LRP2: variants seen among roughly 807,000 people sequenced by gnomAD.
LRP2 encodes LDL receptor related protein 2, also known as low-density lipoprotein receptor-related protein 2.
In LRP2, 172 loss-of-function variants were observed where a neutral mutation model predicts 531.0. The observed-to-expected ratio is 0.32, with a 90% CI of 0.29 to 0.37. The LOEUF is 0.37. Among genes scored for constraint, LRP2 ranks in the 10% least tolerant of loss-of-function variants. The pLI is 1.00. For missense variants in LRP2, 5,167 were observed against 5,868.3 expected, an observed-to-expected ratio of 0.88 and a Z score of 3.90; for synonymous variants, 1,992 against 2,027.6, an observed-to-expected ratio of 0.98 and a Z score of 0.47.
intron 16 of LRP2, among the ~76,000 whole-genome samples, chr2:169,269,295 A>G (rs2105433790): frequency 6.6e-6 from 1 of 152,344 alleles, no homozygotes; most frequent in Middle Eastern, 3.4e-3. Flanking sequence ...TGCATTGCCA[A>G]GACAATCCTA....
intron 37 of LRP2, among the ~76,000 whole-genome samples, chr2:169,211,625 C>A (rs1688596300): frequency 6.6e-6 from 1 of 152,162 alleles, no homozygotes. Flanking sequence ...ATCCTACATT[C>A]TATATTGCTC....
intron 25 of LRP2, 56 bp from the exon 26 acceptor site, chr2:169,239,831 G>T: frequency 1.4e-6 from 2 of 1,455,988 alleles, no homozygotes; most frequent in Non-Finnish European, 1.9e-6. Context: ...TTGCTTCTTT[G>T]ATTCACTCTT....
At chr2:169,242,700 C>T (rs1689852191) in intron 24 of LRP2, among the ~76,000 whole-genome samples, 1 of 152,092 alleles carries the variant, frequency 6.6e-6, no homozygotes, top group African/African-American at 2.4e-5. Context: ...AAAGTGAAAA[C>T]AAAAATATCT....
At chr2:169,154,711 T>A in intron 65 of LRP2, 108 bp from the exon 66 acceptor site, 1 of 984,086 alleles carries the variant, frequency 1.0e-6, no homozygotes, top group Non-Finnish European at 1.6e-6. Context: ...AGAACATGAG[T>A]TTTTATAGGA....
chr2:169,326,313 C>A (rs1244359967), intron 1 of LRP2, among the ~76,000 whole-genome samples: 1 of 151,500 alleles, frequency 6.6e-6, no homozygotes, highest in African/African-American at 2.4e-5. Context: ...TGCAACCTCC[C>A]TGCCTGATTC....
intron 1 of LRP2, among the ~76,000 whole-genome samples, chr2:169,354,689 G>T (rs1685943355): frequency 6.6e-6 from 1 of 152,152 alleles, no homozygotes; most frequent in Non-Finnish European, 1.5e-5. Context: ...TGTGATTAGA[G>T]ATAAGACTTA....
chr2:169,212,356 G>A (rs775507549), intron 36 of LRP2, 149 bp from the exon 37 acceptor site: 25 of 933,248 alleles, frequency 2.7e-5, no homozygotes, highest in South Asian at 4.6e-5. Context: ...AAACAACATC[G>A]GAGAGACTAG....
Position 169,169,777 on chromosome 2 carries a change from C to T in LRP2, c.11422G>A (p.Gly3808Arg), listed in dbSNP as rs1469063417. Residue 3808 changes from glycine (G) to arginine (R), a missense_variant, in exon 60 of 79, where the codon GGA (glycine) becomes AGA (arginine). Around this residue, in one of 6 missense-constraint regions of LRP2, gnomAD observed 564 missense variants for 747.7 expected, o/e 0.75. Coordinates refer to ENST00000649046, the MANE Select transcript of LRP2 (RefSeq NM_004525.3). ...CHPEYFQCTS[G>R]HCVHSELKCD... Reference sequence around the variant, plus strand: ...TTCAGTTCACTGTGTACACAATGTCCACTTGTACACTGAAAATATTCAGGA... The same window carrying T: ...TTCAGTTCACTGTGTACACAATGTCTACTTGTACACTGAAAATATTCAGGA... 1 of 1,613,894 alleles carries T rather than the reference C, an allele frequency of 6.2e-7. No homozygotes were observed. The highest frequency in any genetic ancestry group is 8.5e-7 in the Non-Finnish European group (1 of 1,179,802).
At chr2:169,142,142 C>T (rs1453111302) in intron 71 of LRP2, among the ~76,000 whole-genome samples, 1 of 152,186 alleles carries the variant, frequency 6.6e-6, no homozygotes, top group African/African-American at 2.4e-5. Flanking sequence ...TTATTAACTC[C>T]TTAAAAGAGT....
In LRP2 at chr2:169,279,420, G is replaced by A. The variant is rs1054888482; in HGVS notation, c.1517C>T (p.Thr506Ile). 1.9e-6 allele frequency: 3 copies of A among 1,613,932 alleles called. No individual in the cohort carries two copies. The highest frequency in any genetic ancestry group is 1.7e-6 in the Non-Finnish European group (2 of 1,179,994). ...LDGSYRVTLI[T>I]ENLGHPRGIA... is the part of the protein sequence containing the mutation. ...TCCTCTAGGATGCCCCAAGTTTTCAGTTATAAGGGTAACCCGATAGCTTCC... is the reference window on the plus strand; with the variant it reads ...TCCTCTAGGATGCCCCAAGTTTTCAATTATAAGGGTAACCCGATAGCTTCC... The change falls in exon 12 of 79, where the codon ACT becomes ATT. Residue 506 changes from threonine (T) to isoleucine (I), a missense_variant. Thr to Ile is a moderately conservative substitution (Grantham distance 89). Transcript: ENST00000649046.
At chr2:169,339,711 A>G (rs138287312) in intron 1 of LRP2, among the ~76,000 whole-genome samples, 8 of 152,338 alleles carry the variant, frequency 5.3e-5, no homozygotes, top group African/African-American at 1.9e-4. Flanking sequence ...ATTAGTATCT[A>G]CAATTTTAAA....
At chr2:169,160,396 T>TA (rs1311703964) in intron 63 of LRP2, among the ~76,000 whole-genome samples, 13 of 152,136 alleles carry the variant, frequency 8.5e-5, no homozygotes, top group African/African-American at 2.9e-4. Flanking sequence ...CCTTCAATTT[T>TA]AAAAAATCGA....
At chr2:169,211,418 TATG>T (rs1299837253) in intron 37 of LRP2, among the ~76,000 whole-genome samples, 11 of 152,316 alleles carry the variant, frequency 7.2e-5, no homozygotes, top group Middle Eastern at 3.4e-3. Flanking sequence ...GCTGCAAAAA[TATG>T]ATTACTAAAG....
intron 50 of LRP2, among the ~76,000 whole-genome samples, chr2:169,184,559 AGAATCC>A (rs1339349155): frequency 6.6e-6 from 1 of 152,220 alleles, no homozygotes; most frequent in Non-Finnish European, 1.5e-5. Flanking sequence ...TATGCTGCCA[AGAATCC>A]GATAGATTTG....
chr2:169,137,649 C>CAA lies in LRP2; in HGVS notation c.13519-158_13519-157dup, dbSNP rs1160173051. Among the ~76,000 whole-genome samples the CAA allele has an allele frequency of 0.043, 1,971 of 45,400 alleles. 119 individuals are homozygous for CAA. The highest frequency in any genetic ancestry group is 0.13 in the African/African-American group (1,823 of 14,472). 29.8% of individuals were successfully genotyped at this position (45,400 alleles called of 152,430 possible). A position where few individuals can be genotyped will look rare whatever the true frequency, so the allele number is the denominator to read the frequency against. On this transcript the variant is annotated intron_variant, in intron 75 of 78. Coordinates refer to ENST00000649046, the MANE Select transcript of LRP2 (RefSeq NM_004525.3). ...CATAAGTTACCCAAAAGAGAACTTG[C>CAA]AAAAAAAAAAAAAAAAAAAGGCCAG... is the stretch of plus-strand genomic sequence containing the variant.
intron 45 of LRP2, among the ~76,000 whole-genome samples, chr2:169,197,271 A>C (rs931429014): frequency 6.6e-6 from 1 of 152,192 alleles, no homozygotes; most frequent in African/African-American, 2.4e-5. Context: ...AAAAAAAAAA[A>C]ATTGTATTTG....
At position 169,362,360 on chromosome 2, in the gene LRP2, G is replaced by A. The variant is rs750622215; in HGVS notation, c.40C>T (p.Leu14=). The change falls in exon 1 of 79, where the codon CTG becomes TTG. Residue 14 remains leucine (L), a synonymous_variant. Coordinates refer to ENST00000649046, the MANE Select transcript of LRP2 (RefSeq NM_004525.3). ...GGCGCTAGGCAGGCGACGAGAGCCA[G>A]GAGCAGCGTGCACGCCACTGCTGCC... ...GPAAVACTLL[L]ALVACLAPAS... is the part of the protein sequence containing the mutation. The A allele has an allele frequency of 5.8e-5, 91 of 1,570,974 alleles. 1 individual carries two copies. In the South Asian group the frequency reaches 1.1e-3, roughly 18 times the overall value.
intron 50 of LRP2, chr2:169,182,772 A>G (rs1483331574): frequency 6.9e-6 from 2 of 290,292 alleles, no homozygotes; most frequent in Admixed American, 1.3e-4. Flanking sequence ...TAAGATAAAG[A>G]TTATGACATC....
At chr2:169,254,912 G>A (rs1361851230) in intron 19 of LRP2, among the ~76,000 whole-genome samples, 1 of 151,992 alleles carries the variant, frequency 6.6e-6, no homozygotes, top group Non-Finnish European at 1.5e-5. Flanking sequence ...GCGGGAGGGG[G>A]ACGGGAGGAG....
Sources: allele counts gnomAD v4.1 joint callset (sites outside exome capture counted in the v4.1 genomes callset), GRCh38; gene constraint gnomAD v4.1.1; regional missense constraint gnomAD v4.1.1; transcripts MANE v1.5; gene names NCBI Gene and HGNC (gene_info 2026-07-23, HGNC 2026-07-21).